Variants in BTBD8 observed in about 807,000 individuals in gnomAD.
The protein encoded by BTBD8 is BTB domain containing 8.
In BTBD8, 110 loss-of-function variants were observed where a neutral mutation model predicts 162.9. The observed-to-expected ratio is 0.68, with a 90% CI of 0.58 to 0.79. The LOEUF (loss-of-function observed/expected upper bound fraction) is 0.79, where lower values mean the gene tolerates loss of function less well. Ranked by LOEUF, BTBD8 falls within the 30% of genes least tolerant of loss-of-function variation. The pLI is 0.00. For missense variants in BTBD8, 1,905 were observed against 2,085.4 expected, an observed-to-expected ratio of 0.91 and a Z score of 1.68; for synonymous variants, 667 against 716.1, an observed-to-expected ratio of 0.93 and a Z score of 1.10.
chr1:92,175,534 C>T (rs1235660753), intron 13 of BTBD8, among the ~76,000 whole-genome samples: 1 of 147,704 alleles, frequency 6.8e-6, no homozygotes, highest in Admixed American at 6.8e-5. Flanking sequence ...GTGGCTCATG[C>T]CTGTGATCCT....
Position 92,181,880 on chromosome 1 carries a change from C to A in BTBD8, c.4197C>A (p.Phe1399Leu). The A allele has an allele frequency of 6.4e-7, 1 of 1,551,098 alleles. No homozygotes were observed. The highest frequency in any genetic ancestry group is 1.2e-5 in the South Asian group (1 of 83,938). Residue 1399 changes from phenylalanine (F) to leucine (L), a missense_variant, in exon 17 of 18, where the codon TTC becomes TTA. Transcript: ENST00000636805. Reference sequence around the variant, plus strand: ...AAGCTGAAAACGTTGCAGAAAATTTCTCTATATCTAACCCAGCTCCTCAGC... The same window carrying A: ...AAGCTGAAAACGTTGCAGAAAATTTATCTATATCTAACCCAGCTCCTCAGC... ...RSEAENVAENFSISNPAPQQF... is the reference protein window; with the variant it reads ...RSEAENVAENLSISNPAPQQF...
At chr1:92,119,492 G>A (rs1649134562) in intron 4 of BTBD8, among the ~76,000 whole-genome samples, 1 of 151,526 alleles carries the variant, frequency 6.6e-6, no homozygotes, top group Admixed American at 6.6e-5. Flanking sequence ...TCCTGCGCTG[G>A]CCAGGCCAGT....
At chr1:92,133,151 T>C (rs1250544128) in intron 5 of BTBD8, among the ~76,000 whole-genome samples, 1 of 152,206 alleles carries the variant, frequency 6.6e-6, no homozygotes, top group Non-Finnish European at 1.5e-5. Context: ...ACTTACATTG[T>C]AAACCTGGGC....
At chr1:92,093,349 T>C (rs945031162) in intron 2 of BTBD8, among the ~76,000 whole-genome samples, 6 of 152,040 alleles carry the variant, frequency 3.9e-5, no homozygotes, top group African/African-American at 1.2e-4. Context: ...TGTGTCACCA[T>C]GCCCGGCTAA....
chr1:92,082,084 C>G (rs1648034427), intron 1 of BTBD8, among the ~76,000 whole-genome samples: 1 of 152,088 alleles, frequency 6.6e-6, no homozygotes, highest in Non-Finnish European at 1.5e-5. Context: ...GGTAACACAT[C>G]TAATTTATAT....
chr1:92,147,250 T>A lies in BTBD8; in HGVS notation c.1001T>A (p.Leu334His). 6.2e-7 allele frequency: 1 copy of A among 1,610,844 alleles called. No homozygotes were observed. The highest frequency in any genetic ancestry group is 8.5e-7 in the Non-Finnish European group (1 of 1,177,812). The change falls in exon 8 of 18, where the codon CTT becomes CAT. Residue 334 changes from leucine (L) to histidine (H), a missense_variant. Coordinates refer to ENST00000636805, the MANE Select transcript of BTBD8 (RefSeq NM_001376131.1). ...GCTCATTCAGTTGGAGTGGAAAGTCTTTTTGCTGACTGCATGAAGTAAGTT... is the reference window on the plus strand; with the variant it reads ...GCTCATTCAGTTGGAGTGGAAAGTCATTTTGCTGACTGCATGAAGTAAGTT... ...IIAHSVGVES[L>H]FADCMKWIVK...
intron 4 of BTBD8, among the ~76,000 whole-genome samples, chr1:92,111,344 A>C (rs895405601): frequency 6.6e-6 from 1 of 152,196 alleles, no homozygotes; most frequent in Non-Finnish European, 1.5e-5. Flanking sequence ...TATATCTTCC[A>C]GAATACCTTT....
chr1:92,099,587 G>T (rs924575627), intron 2 of BTBD8, among the ~76,000 whole-genome samples: 1 of 152,148 alleles, frequency 6.6e-6, no homozygotes, highest in Admixed American at 6.5e-5. Context: ...AGCTTTCAAT[G>T]AGTGTCTTAT....
intron 4 of BTBD8, among the ~76,000 whole-genome samples, chr1:92,120,368 A>G (rs940685844): frequency 2.0e-5 from 3 of 152,146 alleles, no homozygotes; most frequent in African/African-American, 4.8e-5. Flanking sequence ...ACGGACATGG[A>G]GCTGTTATCT....
intron 13 of BTBD8, among the ~76,000 whole-genome samples, chr1:92,174,126 T>G (rs72956893): frequency 0.022 from 3,366 of 152,244 alleles, 153 homozygotes; most frequent in African/African-American, 0.076. Context: ...AATTAATAAT[T>G]TTTAGAGCTG....
rs1184727829 is a variant in BTBD8 at position 92,125,512 on chromosome 1, A to G, written c.663-4175A>G. ...CAAAACAAATTCACAATCTGCAGGA[A>G]GCAGGCACTTGTACAGAATTCAGGA... is the stretch of plus-strand genomic sequence containing the variant. On this transcript the variant is annotated intron_variant, in intron 4 of 17. Coordinates refer to ENST00000636805, the MANE Select transcript of BTBD8 (RefSeq NM_001376131.1). 1.9e-5 allele frequency: 6 copies of G among 316,480 alleles called. No individual in the cohort carries two copies. The East Asian group carries it at 4.8e-4, about 25-fold the overall frequency. The allele number at this position is 316,480 out of a possible 1,614,324, so 19.6% of individuals were successfully genotyped here.
intron 4 of BTBD8, among the ~76,000 whole-genome samples, chr1:92,123,787 A>AG (rs1474707848): frequency 5.9e-5 from 9 of 151,404 alleles, no homozygotes; most frequent in African/African-American, 2.2e-4. Context: ...AAAAAAAAAA[A>AG]AAAAAAAAAG....
chr1:92,080,458 G>T lies in BTBD8; in HGVS notation c.-114G>T. On this transcript the variant is annotated 5_prime_UTR_variant, in exon 1 of 18. Transcript: ENST00000636805. ...GAGAGGCGTCAACCTTTTACCCTAGGGGGCGGATTTGGGTAGGAGCCGAGC... is the reference window on the plus strand; with the variant it reads ...GAGAGGCGTCAACCTTTTACCCTAGTGGGCGGATTTGGGTAGGAGCCGAGC... 5.4e-6 allele frequency: 8 copies of T among 1,472,606 alleles called. No homozygotes were observed. The highest frequency in any genetic ancestry group is 7.3e-6 in the Non-Finnish European group (8 of 1,101,270). 91.2% of individuals were successfully genotyped at this position (1,472,606 alleles called of 1,614,324 possible).
chr1:92,148,075 G>T (rs904945894), intron 9 of BTBD8, among the ~76,000 whole-genome samples: 1 of 152,142 alleles, frequency 6.6e-6, no homozygotes, highest in African/African-American at 2.4e-5. Context: ...TGGCTCAGCA[G>T]TATTGACCCA....
intron 7 of BTBD8, among the ~76,000 whole-genome samples, chr1:92,146,679 C>T (rs964992201): frequency 3.3e-5 from 5 of 152,026 alleles, no homozygotes; most frequent in African/African-American, 1.2e-4. Flanking sequence ...TGTTTTTTTC[C>T]GGGATGTAAT....
intron 4 of BTBD8, chr1:92,125,617 A>G (rs975331616): frequency 3.2e-5 from 9 of 281,738 alleles, no homozygotes; most frequent in Admixed American, 2.2e-4. Context: ...TGAAGTCTAC[A>G]TGGAGGAAGA....
chr1:92,149,741 A>T (rs1650004073), intron 9 of BTBD8, among the ~76,000 whole-genome samples: 1 of 152,112 alleles, frequency 6.6e-6, no homozygotes, highest in African/African-American at 2.4e-5. Context: ...CCAGATCTGT[A>T]ACTGTTCTTC....
chr1:92,144,838 CACACGTAT>C (rs1354522559), intron 7 of BTBD8, among the ~76,000 whole-genome samples: 17 of 151,354 alleles, frequency 1.1e-4, no homozygotes, highest in Non-Finnish European at 2.4e-4. Context: ...CACACACACA[CACACGTAT>C]ACACACACGT....
At chr1:92,115,216 T>C in intron 4 of BTBD8, 1 of 504,726 alleles carries the variant, frequency 2.0e-6, no homozygotes, top group Non-Finnish European at 3.9e-6. Flanking sequence ...CCCATAGCCA[T>C]CACACCACAG....
Sources: allele counts gnomAD v4.1 joint callset (sites outside exome capture counted in the v4.1 genomes callset), GRCh38; gene constraint gnomAD v4.1.1; transcripts MANE v1.5; gene names NCBI Gene and HGNC (gene_info 2026-07-23, HGNC 2026-07-21).